The following SLU7 variants were observed in gnomAD, a reference collection of about 807,000 sequenced individuals.
The protein encoded by SLU7 is pre-mRNA-splicing factor SLU7.
A neutral mutation model predicts 87.0 loss-of-function variants in SLU7; 60 were observed. The observed-to-expected ratio is 0.69, with a 90% CI of 0.56 to 0.86. The LOEUF (loss-of-function observed/expected upper bound fraction) is 0.86. SLU7 is among the 40% of genes least tolerant of loss of function. The pLI is 0.00. For synonymous variants in SLU7, 197 were observed against 222.0 expected (o/e 0.89, Z 1.00); for missense variants, 507 against 686.6 (o/e 0.74, Z 2.92).
intron 5 of SLU7, 28 bp from the exon 6 acceptor site, chr5:160,412,547 A>G: frequency 7.8e-7 from 1 of 1,286,044 alleles, no homozygotes; most frequent in Non-Finnish European, 1.1e-6. Context: ...AGAAAGAAAG[A>G]AAGAAAAAGT....
intron 5 of SLU7, 75 bp downstream of exon 5, chr5:160,413,381 A>G: frequency 2.2e-6 from 3 of 1,361,550 alleles, no homozygotes; most frequent in Non-Finnish European, 3.1e-6. Flanking sequence ...TCAAGATTTG[A>G]AAAGTAGAGC....
intron 2 of SLU7, among the ~76,000 whole-genome samples, chr5:160,414,806 T>C (rs1225522147): frequency 6.6e-6 from 1 of 152,144 alleles, no homozygotes; most frequent in Non-Finnish European, 1.5e-5. Flanking sequence ...AGTCAATTAA[T>C]TAAAATAATT....
At chr5:160,413,093 G>A (rs1439018810) in intron 5 of SLU7, among the ~76,000 whole-genome samples, 3 of 152,224 alleles carry the variant, frequency 2.0e-5, no homozygotes, top group East Asian at 3.9e-4. Flanking sequence ...AATGCTATGG[G>A]AGGCAACTAT....
intron 4 of SLU7, 124 bp from the exon 5 acceptor site, chr5:160,413,744 A>C: frequency 9.6e-7 from 1 of 1,043,082 alleles, no homozygotes; most frequent in Non-Finnish European, 1.4e-6. Context: ...TACAGTAGAA[A>C]ATTTTGTTGG....
rs1450025425 is a variant in SLU7, at chr5:160,412,435, C to A, written c.639+16G>T. ...AAAGAAATAAAACCTTTTTATTGATCATTTTCATTACTTACAGCCTGTTCC... is the reference window on the plus strand; with the variant it reads ...AAAGAAATAAAACCTTTTTATTGATAATTTTCATTACTTACAGCCTGTTCC... On this transcript the variant is annotated intron_variant, in intron 6 of 15. Transcript: ENST00000297151. 8 of 1,396,974 alleles carry A rather than the reference C, an allele frequency of 5.7e-6. No individual in the cohort carries two copies. Among genetic ancestry groups the A allele is most frequent in the Non-Finnish European group, 8.0e-6 (8 of 1,004,948 alleles). The allele number at this position is 1,396,974 out of a possible 1,614,324, so 86.5% of individuals were successfully genotyped here.
intron 7 of SLU7, 73 bp downstream of exon 7, chr5:160,408,577 T>A (rs1239988514): frequency 7.2e-7 from 1 of 1,387,970 alleles, no homozygotes; most frequent in East Asian, 2.3e-5. Flanking sequence ...AAGCTATTAT[T>A]AGTGTTATTT....
At chr5:160,408,582 T>C in intron 7 of SLU7, 68 bp downstream of exon 7, 2 of 1,372,406 alleles carry the variant, frequency 1.5e-6, no homozygotes, top group Non-Finnish European at 2.0e-6. Flanking sequence ...ATTATTAGTG[T>C]TATTTATTAT....
Position 160,406,626 on chromosome 5 carries a change from C to T in SLU7, c.1129G>A (p.Gly377Ser), listed in dbSNP as rs752948631. 1.4e-5 allele frequency: 22 copies of T among 1,602,108 alleles called. No individual in the cohort carries two copies. The highest frequency in any genetic ancestry group is 1.9e-5 in the Non-Finnish European group (22 of 1,175,240). ...QQKESILEKY[G>S]GQEHLDAPPA... ...GGGGCATCCAAATGTTCTTGGCCAC[C>T]ATACTAAAAGGACATTGGACATTAT... Residue 377 changes from glycine (G) to serine (S), a missense_variant, in exon 12 of 16, where the codon GGT becomes AGT. Physicochemically the swap from Gly to Ser is moderately conservative, Grantham distance 56. This residue lies in a region of SLU7 where 43 missense variants were observed against 58.4 expected (regional missense o/e 0.74). Coordinates refer to ENST00000297151, the MANE Select transcript of SLU7 (RefSeq NM_006425.5).
At position 160,410,595 on chromosome 5, in the gene SLU7, T is replaced by C. The variant is rs1439340257; in HGVS notation, c.639+1856A>G. On this transcript the variant is annotated intron_variant, in intron 6 of 15. Coordinates refer to ENST00000297151, the MANE Select transcript of SLU7 (RefSeq NM_006425.5). ...AAAAAAAATAATCCAAGCATCCAAG[T>C]GGGCAAAAATCATTAGCCCCTTACA... Among the ~76,000 whole-genome samples, 3 of 151,954 alleles carry C rather than the reference T, an allele frequency of 2.0e-5. 1 individual carries two copies. The highest frequency in any genetic ancestry group is 6.8e-3 in the Middle Eastern group (2 of 292).
At chr5:160,405,401 G>C (rs986334176) in intron 12 of SLU7, among the ~76,000 whole-genome samples, 2 of 152,178 alleles carry the variant, frequency 1.3e-5, no homozygotes, top group African/African-American at 2.4e-5. Context: ...ACGTAGGAGT[G>C]GGAAATTCTG....
In SLU7 at chr5:160,408,402, A is replaced by T. The variant is rs1561557596; in HGVS notation, c.746T>A (p.Met249Lys). 1 of 1,611,196 alleles carries T rather than the reference A, an allele frequency of 6.2e-7. No homozygotes were observed. The change falls in exon 8 of 16, where the codon ATG (methionine) becomes AAG (lysine). Residue 249 changes from methionine (M) to lysine (K), a missense_variant. Met to Lys is a moderately conservative substitution (Grantham distance 95, BLOSUM62 -1). Transcript: ENST00000297151. ...DEDKYADDIDMPGQNFDSKRR... is the reference protein window; with the variant it reads ...DEDKYADDIDKPGQNFDSKRR... ...CTTGGAGTCAAAATTCTGTCCAGGC[A>T]TGTCAATATCATCTGCATATTTATC...
At position 160,401,809 on chromosome 5, in the gene SLU7, A is replaced by G. The variant is rs1764794126; in HGVS notation, c.*1476T>C. 1 of 152,254 alleles carries G rather than the reference A, an allele frequency of 6.6e-6. No homozygotes were observed. The highest frequency in any genetic ancestry group is 2.1e-4 in the South Asian group (1 of 4,832). 9.4% of individuals were successfully genotyped at this position (152,254 alleles called of 1,614,324 possible). On this transcript the variant is annotated 3_prime_UTR_variant, in exon 16 of 16. Coordinates refer to ENST00000297151, the MANE Select transcript of SLU7 (RefSeq NM_006425.5). ...TCTATTTGCATTGCTGTTTAATTTC[A>G]TACCAATCTAAAGCTCGACACTATG...
At chr5:160,408,198 G>GA in intron 8 of SLU7, 130 bp from the exon 9 acceptor site, 11 of 1,226,224 alleles carry the variant, frequency 9.0e-6, no homozygotes, top group Admixed American at 4.4e-5. Flanking sequence ...CAGGTGAAGA[G>GA]AAAAAACAGA....
chr5:160,414,476 T>C lies in SLU7; in HGVS notation c.171-4A>G. 6.6e-7 allele frequency: 1 copy of C among 1,509,130 alleles called. No individual in the cohort carries two copies. The highest frequency in any genetic ancestry group is 8.8e-7 in the Non-Finnish European group (1 of 1,130,436). The allele number at this position is 1,509,130 out of a possible 1,614,324, so 93.5% of individuals were successfully genotyped here. A position where few individuals can be genotyped will look rare whatever the true frequency, so the allele number is the denominator to read the frequency against. ...AGGAATATGGGGGTTGATGTCTCTG[T>C]AATTAAAGTAAAAAAAAAAAAAATT... On this transcript the variant is annotated splice_polypyrimidine_tract_variant and splice_region_variant and intron_variant, in intron 2 of 15. Coordinates refer to ENST00000297151, the MANE Select transcript of SLU7 (RefSeq NM_006425.5).
intron 12 of SLU7, 50 bp downstream of exon 12, chr5:160,406,418 T>A (rs1368268585): frequency 1.4e-6 from 2 of 1,460,990 alleles, no homozygotes; most frequent in Admixed American, 4.4e-5. Context: ...AAAAATGCAA[T>A]ACAGAGCAAA....
rs538277316 is a variant in SLU7 at position 160,404,000 on chromosome 5, C to T, written c.1581+440G>A. On this transcript the variant is annotated intron_variant, in intron 15 of 15. Coordinates refer to ENST00000297151, the MANE Select transcript of SLU7 (RefSeq NM_006425.5). ...TTGAGCAAATCACTCAGACTCTAGG[C>T]TTGTTTCATCATTGTAAAAATGCAT... Among the ~76,000 whole-genome samples the T allele has an allele frequency of 5.9e-5, 9 of 152,290 alleles. No individual in the cohort carries two copies. In the East Asian group the frequency reaches 1.7e-3, roughly 29 times the overall value.
At chr5:160,404,350 G>T in intron 15 of SLU7, 90 bp downstream of exon 15, 1 of 798,792 alleles carries the variant, frequency 1.3e-6, no homozygotes, top group Non-Finnish European at 2.1e-6. Context: ...GGACAACAGA[G>T]CAAGACCCTG....
intron 5 of SLU7, 146 bp from the exon 6 acceptor site, chr5:160,412,665 CTA>C: frequency 1.7e-6 from 1 of 592,312 alleles, no homozygotes; most frequent in Non-Finnish European, 2.9e-6. Context: ...CTGAACAAAC[CTA>C]TCTCTTTGGG....
Position 160,405,078 on chromosome 5 carries a change from AAG to A in SLU7, c.1343_1344del (p.Ser448PhefsTer17), listed in dbSNP as rs1451802792. On this transcript the variant is annotated frameshift_variant, in exon 13 of 16. Transcript: ENST00000297151. LOFTEE classifies it high-confidence loss of function. ...EGRWGYKCCH[S>X]FFKYSYCTGE... is the part of the protein sequence containing the mutation. ...CCAGTACAATAGGAATACTTGAAAAAAGAGTGACAGCATTTGTATCCCCATCG... is the reference window on the plus strand; with the variant it reads ...CCAGTACAATAGGAATACTTGAAAAAAGTGACAGCATTTGTATCCCCATCG... The A allele has an allele frequency of 2.5e-6, 4 of 1,613,848 alleles. No individual in the cohort carries two copies. The highest frequency in any genetic ancestry group is 3.4e-6 in the Non-Finnish European group (4 of 1,179,856).
Sources: gnomAD v4.1 joint callset for allele counts (sites outside exome capture counted in the v4.1 genomes callset) on GRCh38, gnomAD v4.1.1 for gene constraint, gnomAD v4.1.1 regional missense constraint, MANE v1.5 for transcripts, NCBI Gene and HGNC (gene_info 2026-07-23, HGNC 2026-07-21) for gene names.